The following OTUD7A variants were observed in gnomAD, a reference collection of about 807,000 sequenced individuals.
The protein encoded by OTUD7A is OTU deubiquitinase 7A.
OTUD7A carries 12 observed loss-of-function variants against 65.7 expected under a neutral mutation model. The observed-to-expected ratio is 0.18, with a 90% CI of 0.12 to 0.30. The LOEUF is 0.30. Ranked by LOEUF, OTUD7A falls within the 10% of genes least tolerant of loss-of-function variation. The pLI, the probability that OTUD7A is intolerant of heterozygous loss-of-function variation, is 1.00. For synonymous variants in OTUD7A, 641 were observed against 586.3 expected (o/e 1.09, Z -1.35); for missense variants, 1,148 against 1,304.8 (o/e 0.88, Z 1.85).
chr15:31,667,102 C>T (rs116254635), intron 1 of OTUD7A, among the ~76,000 whole-genome samples: 29,770 of 151,944 alleles, frequency 0.2, 3,070 homozygotes, highest in East Asian at 0.25. Flanking sequence ...ATGTGCATTC[C>T]GTGGTTGTCG....
At chr15:31,733,833 G>A (rs1043581174) in intron 1 of OTUD7A, among the ~76,000 whole-genome samples, 3 of 152,132 alleles carry the variant, frequency 2.0e-5, no homozygotes, top group African/African-American at 7.2e-5. Flanking sequence ...CAGCAGTCAA[G>A]AGAAAGAGGA....
Position 31,848,704 on chromosome 15 carries a change from T to C in OTUD7A, c.-100+21803A>G, listed in dbSNP as rs140709000. Among the ~76,000 whole-genome samples the C allele has an allele frequency of 6.2e-3, 944 of 152,340 alleles. 7 individuals are homozygous for C. The highest frequency in any genetic ancestry group is 0.021 in the African/African-American group (853 of 41,570). On this transcript the variant is annotated intron_variant, in intron 1 of 12. Coordinates refer to ENST00000307050, the MANE Select transcript of OTUD7A (RefSeq NM_001382637.1). ...CTCGTTGATAGCAAACAAATAGAGT[T>C]CTGAAAAATATGGTATGCTCAGTTG...
chr15:31,719,326 C>T (rs1180337069), intron 1 of OTUD7A, among the ~76,000 whole-genome samples: 1 of 151,812 alleles, frequency 6.6e-6, no homozygotes, highest in African/African-American at 2.4e-5. Flanking sequence ...ATGTAATGCA[C>T]ATCTGAAAGT....
At chr15:31,689,187 T>C in intron 1 of OTUD7A, among the ~76,000 whole-genome samples, 1 of 143,736 alleles carries the variant, frequency 7.0e-6, no homozygotes, top group South Asian at 2.5e-4. Flanking sequence ...CAAATTCTAA[T>C]GCAGTATGAA....
At chr15:31,570,848 C>CT (rs1346050119) in intron 3 of OTUD7A, among the ~76,000 whole-genome samples, 2 of 152,144 alleles carry the variant, frequency 1.3e-5, no homozygotes, top group Non-Finnish European at 2.9e-5. Context: ...CACAGCTACA[C>CT]TGGGGAGTTG....
At chr15:31,626,889 T>G (rs958952797) in intron 3 of OTUD7A, among the ~76,000 whole-genome samples, 39 of 150,464 alleles carry the variant, frequency 2.6e-4, no homozygotes, top group East Asian at 2.2e-3. Context: ...ATTTGTTTTT[T>G]TTTTGTTTTG....
At chr15:31,767,731 GGCATTTTCCT>G in intron 1 of OTUD7A, 1 of 710,622 alleles carries the variant, frequency 1.4e-6, no homozygotes, top group South Asian at 1.5e-5. Context: ...TTATTTTCTC[GGCATTTTCCT>G]GAGATAAATG....
chr15:31,829,876 C>T (rs867351961), intron 1 of OTUD7A, among the ~76,000 whole-genome samples: 2 of 152,208 alleles, frequency 1.3e-5, no homozygotes, highest in African/African-American at 4.8e-5. Context: ...TCCAAACAAG[C>T]CTCAAAGCCA....
intron 8 of OTUD7A, 122 bp downstream of exon 8, chr15:31,526,227 T>C: frequency 9.4e-7 from 1 of 1,059,094 alleles, no homozygotes; most frequent in Non-Finnish European, 1.3e-6. Context: ...AGCTGGAATC[T>C]TTCTGTCTTC....
At chr15:31,499,866 A>G (rs1462590441) in intron 10 of OTUD7A, among the ~76,000 whole-genome samples, 1 of 152,138 alleles carries the variant, frequency 6.6e-6, no homozygotes, top group Admixed American at 6.5e-5. Context: ...CAGAAGTGAA[A>G]CCACCCACAA....
At chr15:31,653,818 T>C (rs79270988) in intron 3 of OTUD7A, among the ~76,000 whole-genome samples, 27,095 of 152,092 alleles carry the variant, frequency 0.18, 2,747 homozygotes, top group East Asian at 0.25. Context: ...CCTATAAGGC[T>C]GTCTAGACAT....
chr15:31,654,723 A>G (rs1891937702), intron 3 of OTUD7A, among the ~76,000 whole-genome samples: 2 of 152,218 alleles, frequency 1.3e-5, no homozygotes, highest in African/African-American at 4.8e-5. Context: ...AATGGTATCT[A>G]CGTGAAAAGC....
At chr15:31,509,422 G>C (rs2041641498) in intron 8 of OTUD7A, among the ~76,000 whole-genome samples, 1 of 152,042 alleles carries the variant, frequency 6.6e-6, no homozygotes. Context: ...GGGACTACAG[G>C]TGCCTGCCTC....
At chr15:31,846,281 T>C (rs1196544909) in intron 1 of OTUD7A, among the ~76,000 whole-genome samples, 1 of 152,236 alleles carries the variant, frequency 6.6e-6, no homozygotes, top group African/African-American at 2.4e-5. Context: ...GTTGGCCCAC[T>C]GGCCAGTCTA....
chr15:31,642,935 C>CT (rs564017250), intron 3 of OTUD7A, among the ~76,000 whole-genome samples: 54 of 150,906 alleles, frequency 3.6e-4, no homozygotes, highest in South Asian at 2.9e-3. Flanking sequence ...TTAATTTGCT[C>CT]TTTTTTTTTC....
intron 1 of OTUD7A, among the ~76,000 whole-genome samples, chr15:31,807,877 G>A (rs1019572407): frequency 6.6e-6 from 1 of 151,808 alleles, no homozygotes; most frequent in South Asian, 2.1e-4. Flanking sequence ...CAGGAATTTA[G>A]AGGAAACCAT....
At chr15:31,808,098 A>AACACACACAC (rs55911531) in intron 1 of OTUD7A, among the ~76,000 whole-genome samples, 5,325 of 95,744 alleles carry the variant, frequency 0.056, 143 homozygotes, top group Non-Finnish European at 0.077. Context: ...ACAAATGCCA[A>AACACACACAC]ACACACACAC....
At chr15:31,576,766 C>G (rs1339004429) in intron 3 of OTUD7A, among the ~76,000 whole-genome samples, 2 of 152,068 alleles carry the variant, frequency 1.3e-5, no homozygotes, top group East Asian at 3.9e-4. Context: ...TTAGAATATT[C>G]CTGAAGGGCA....
chr15:31,517,305 G>A (rs1295970181), intron 8 of OTUD7A, among the ~76,000 whole-genome samples: 1 of 152,202 alleles, frequency 6.6e-6, no homozygotes, highest in African/African-American at 2.4e-5. Context: ...ATCTTATCTG[G>A]GACGAGAGTT....
Sources: allele counts gnomAD v4.1 joint callset (sites outside exome capture counted in the v4.1 genomes callset), GRCh38; gene constraint gnomAD v4.1.1; transcripts MANE v1.5; gene names NCBI Gene and HGNC (gene_info 2026-07-23, HGNC 2026-07-21).